The following COLGALT1 variants were observed in gnomAD, a reference collection of about 807,000 sequenced individuals.
The protein encoded by COLGALT1 is procollagen galactosyltransferase 1.
Under a neutral mutation model 60.8 loss-of-function variants are expected in COLGALT1, and 43 were observed. The observed-to-expected ratio is 0.71, with a 90% CI of 0.55 to 0.91. COLGALT1 has a LOEUF of 0.91. Among genes scored for constraint, COLGALT1 ranks in the 40% least tolerant of loss-of-function variants. COLGALT1 has a pLI of 0.00. For synonymous variants in COLGALT1, 369 were observed against 374.2 expected, an observed-to-expected ratio of 0.99 and a Z score of 0.16; for missense variants, 845 against 880.0, an observed-to-expected ratio of 0.96 and a Z score of 0.50.
intron 1 of COLGALT1, among the ~76,000 whole-genome samples, chr19:17,558,889 G>A (rs1389872795): frequency 6.6e-6 from 1 of 152,032 alleles, no homozygotes; most frequent in South Asian, 2.1e-4. Context: ...GCCGGGCGCG[G>A]TGGCTCACGC....
chr19:17,561,645 A>C lies in COLGALT1; in HGVS notation c.489+1180A>C, dbSNP rs984100834. Among the ~76,000 whole-genome samples, 540 of 151,366 alleles carry C rather than the reference A, an allele frequency of 3.6e-3. 3 individuals carry two copies. Among genetic ancestry groups the C allele is most frequent in the African/African-American group, 0.012 (492 of 41,230 alleles). On this transcript the variant is annotated intron_variant, in intron 3 of 11. Coordinates refer to ENST00000252599, the MANE Select transcript of COLGALT1 (RefSeq NM_024656.4). ...AGACTCTGTCTCAAAAAAAAAAAAA[A>C]AAAAAAAAAAACAGACTTATAGGTT...
intron 2 of COLGALT1, among the ~76,000 whole-genome samples, chr19:17,559,982 G>A (rs925042297): frequency 6.6e-6 from 1 of 152,072 alleles, no homozygotes; most frequent in East Asian, 1.9e-4. Context: ...TAGAGATAGG[G>A]TCTCACTGTG....
chr19:17,575,642 G>T (rs1370749939), intron 6 of COLGALT1, among the ~76,000 whole-genome samples: 1 of 152,008 alleles, frequency 6.6e-6, no homozygotes, highest in Non-Finnish European at 1.5e-5. Flanking sequence ...GCCTCCCAAA[G>T]TGCTGGGATT....
In COLGALT1 at chr19:17,559,358, A is replaced by G; in HGVS notation, c.308A>G (p.Glu103Gly). Residue 103 changes from glutamate to glycine, a missense_variant, in exon 2 of 12, where the codon GAG (glutamate) becomes GGG (glycine). Physicochemically the swap from Glu to Gly is moderately conservative, Grantham distance 98. Coordinates refer to ENST00000252599, the MANE Select transcript of COLGALT1 (RefSeq NM_024656.4). ...NMDNTSTVLR[E>G]WLVAVKSLYH... ...GATAACACGTCAACTGTGCTGCGGG[A>G]GTGGCTGGTGGCCGTGAAGAGTTTG... is the stretch of plus-strand genomic sequence containing the variant. The G allele has an allele frequency of 6.4e-7, 1 of 1,552,730 alleles. No homozygotes were observed. Among genetic ancestry groups the G allele is most frequent in the Non-Finnish European group, 8.7e-7 (1 of 1,147,588 alleles).
rs1352927835 is a variant in COLGALT1 at position 17,582,169 on chromosome 19, A to C, written c.*725A>C. 3 of 152,360 alleles carry C rather than the reference A, an allele frequency of 2.0e-5. No individual in the cohort carries two copies. The highest frequency in any genetic ancestry group is 4.4e-5 in the Non-Finnish European group (3 of 68,194). 9.4% of individuals were successfully genotyped at this position (152,360 alleles called of 1,614,324 possible). On this transcript the variant is annotated 3_prime_UTR_variant, in exon 12 of 12. Coordinates refer to ENST00000252599, the MANE Select transcript of COLGALT1 (RefSeq NM_024656.4). ...AGTGATCTGCCCGCCTTGGCCACCC[A>C]AAGTGCTAGGGTTACAGGCATGAGC...
At chr19:17,560,205 C>G (rs570418000) in intron 2 of COLGALT1, 143 bp from the exon 3 acceptor site, 1 of 630,724 alleles carries the variant, frequency 1.6e-6, no homozygotes, top group Non-Finnish European at 2.8e-6. Context: ...CTTTCCTCGT[C>G]GTTTACTTTT....
chr19:17,574,800 G>A (rs536026159), intron 6 of COLGALT1, among the ~76,000 whole-genome samples: 33 of 152,182 alleles, frequency 2.2e-4, no homozygotes, highest in Admixed American at 3.9e-4. Context: ...AAACGGGCCT[G>A]AGAAGCGTCT....
At chr19:17,579,173 A>AG (rs985031804) in intron 9 of COLGALT1, among the ~76,000 whole-genome samples, 2 of 152,026 alleles carry the variant, frequency 1.3e-5, no homozygotes, top group African/African-American at 4.8e-5. Flanking sequence ...GTCTCAAAAA[A>AG]AAAAAAAAAG....
At chr19:17,564,329 A>G (rs1451291222) in intron 3 of COLGALT1, among the ~76,000 whole-genome samples, 1 of 151,196 alleles carries the variant, frequency 6.6e-6, no homozygotes, top group African/African-American at 2.4e-5. Context: ...ATATGTATAT[A>G]TATCTATATA....
At chr19:17,577,803 C>T (rs560273449) in intron 8 of COLGALT1, among the ~76,000 whole-genome samples, 154 bp from the exon 9 acceptor site, 1 of 152,136 alleles carries the variant, frequency 6.6e-6, no homozygotes, top group East Asian at 1.9e-4. Flanking sequence ...ATACCATGTG[C>T]AGGTGAGTGA....
chr19:17,572,800 C>T (rs574777214), intron 6 of COLGALT1, among the ~76,000 whole-genome samples, 198 bp downstream of exon 6: 21 of 152,304 alleles, frequency 1.4e-4, no homozygotes, highest in Middle Eastern at 3.4e-3. Flanking sequence ...GGTAGCTGTA[C>T]ACAGCATGCT....
At chr19:17,565,505 G>T (rs2076275138) in intron 3 of COLGALT1, among the ~76,000 whole-genome samples, 1 of 151,800 alleles carries the variant, frequency 6.6e-6, no homozygotes, top group Non-Finnish European at 1.5e-5. Flanking sequence ...AGCGTACAAA[G>T]ACCTGTTTGA....
chr19:17,573,329 C>G (rs1401646372), intron 6 of COLGALT1, among the ~76,000 whole-genome samples: 2 of 152,184 alleles, frequency 1.3e-5, no homozygotes, highest in Non-Finnish European at 2.9e-5. Flanking sequence ...AGATGGAGAC[C>G]ATACTGACCA....
At position 17,568,542 on chromosome 19, in the gene COLGALT1, A is replaced by G. The variant is rs776085467; in HGVS notation, c.658A>G (p.Ile220Val). The G allele has an allele frequency of 7.4e-6, 12 of 1,614,012 alleles. No individual in the cohort carries two copies. Among genetic ancestry groups the G allele is most frequent in the East Asian group, 2.2e-5 (1 of 44,890 alleles). The change falls in exon 5 of 12, where the codon ATC becomes GTC. Residue 220 changes from isoleucine (I) to valine (V), a missense_variant. Physicochemically the swap from Ile to Val is conservative, Grantham distance 29. Transcript: ENST00000252599. ...CAAGCGCACACCTGCCTACATCCCT[A>G]TCCGCAAGCGAGACCGCCGGGGCTG... ...YYKRTPAYIP[I>V]RKRDRRGCFA...
At chr19:17,572,394 T>C (rs760331736) in intron 5 of COLGALT1, 89 bp from the exon 6 acceptor site, 27 of 1,594,244 alleles carry the variant, frequency 1.7e-5, no homozygotes, top group Non-Finnish European at 2.3e-5. Context: ...TCCTCCTGCG[T>C]TGGCCTCCTG....
intron 3 of COLGALT1, among the ~76,000 whole-genome samples, chr19:17,562,198 G>A (rs886372685): frequency 1.3e-5 from 2 of 152,160 alleles, no homozygotes; most frequent in African/African-American, 4.8e-5. Context: ...CAAACAAAAA[G>A]CAGAAAAGAA....
chr19:17,581,483 C>T lies in COLGALT1; in HGVS notation c.*39C>T. 4 of 1,582,134 alleles carry T rather than the reference C, an allele frequency of 2.5e-6. No homozygotes were observed. The highest frequency in any genetic ancestry group is 1.1e-5 in the South Asian group (1 of 87,494). ...GAAAGCCAAAGCAGCCATCGGTGGC[C>T]CAGGCTCCACGTGCTTACTGAGGAC... On this transcript the variant is annotated 3_prime_UTR_variant, in exon 12 of 12. Transcript: ENST00000252599.
chr19:17,563,571 G>A (rs970609684), intron 3 of COLGALT1, among the ~76,000 whole-genome samples: 11 of 152,212 alleles, frequency 7.2e-5, no homozygotes, highest in African/African-American at 2.6e-4. Context: ...GCATGGTCTC[G>A]ATCTCCTGAC....
At chr19:17,568,739 G>T (rs767202419) in intron 5 of COLGALT1, 26 bp downstream of exon 5, 29 of 1,610,556 alleles carry the variant, frequency 1.8e-5, no homozygotes, top group Admixed American at 3.3e-5. Flanking sequence ...GTCTGCCATC[G>T]CAGGGGCATC....
Sources: allele counts gnomAD v4.1 joint callset (sites outside exome capture counted in the v4.1 genomes callset), GRCh38; gene constraint gnomAD v4.1.1; transcripts MANE v1.5; gene names NCBI Gene and HGNC (gene_info 2026-07-23, HGNC 2026-07-21).